CPQ: variants seen among roughly 807,000 people sequenced by gnomAD.
The protein encoded by CPQ is Ser-Met dipeptidase.
CPQ carries 37 observed loss-of-function variants against 45.7 expected under a neutral mutation model. That is an observed-to-expected ratio of 0.81 (90% confidence interval 0.62 to 1.07). CPQ has a LOEUF of 1.07. CPQ is among the 50% of genes least tolerant of loss of function. The probability of loss-of-function intolerance (pLI) is 0.00; values close to 1 mark genes in which losing one functional copy is unlikely to be tolerated. For missense variants in CPQ, 537 were observed against 572.9 expected, an observed-to-expected ratio of 0.94 and a Z score of 0.64; for synonymous variants, 186 against 205.8, an observed-to-expected ratio of 0.90 and a Z score of 0.82.
chr8:96,686,546 A>G (rs1809230313), intron 1 of CPQ, among the ~76,000 whole-genome samples: 1 of 151,958 alleles, frequency 6.6e-6, no homozygotes, highest in South Asian at 2.1e-4. Context: ...GTGCATAAAC[A>G]CCACTTAGTA....
Position 97,114,559 on chromosome 8 carries a change from C to A in CPQ, c.1256-28461C>A, listed in dbSNP as rs564790351. ...TGACTACCAGGTAACTATGTTTACC[C>A]TCAGAGATCTGATGTATTTCTTCAT... On this transcript the variant is annotated intron_variant, in intron 7 of 7. Transcript: ENST00000220763. Among the ~76,000 whole-genome samples the A allele has an allele frequency of 2.0e-4, 30 of 152,256 alleles. 1 individual carries two copies. The South Asian group carries it at 6.2e-3, about 32-fold the overall frequency.
intron 7 of CPQ, among the ~76,000 whole-genome samples, chr8:97,140,627 C>T (rs950172213): frequency 7.2e-5 from 11 of 152,044 alleles, no homozygotes; most frequent in South Asian, 4.1e-4. Context: ...AAAAGATGTT[C>T]GGTTCCCCCC....
intron 4 of CPQ, among the ~76,000 whole-genome samples, chr8:96,923,847 T>G (rs778004489): frequency 2.0e-5 from 3 of 152,170 alleles, no homozygotes; most frequent in Non-Finnish European, 4.4e-5. Flanking sequence ...CATTAAGATG[T>G]GAGAAACTGC....
chr8:96,860,819 G>T (rs919340431), intron 3 of CPQ, among the ~76,000 whole-genome samples: 51 of 152,104 alleles, frequency 3.4e-4, no homozygotes, highest in Non-Finnish European at 5.6e-4. Flanking sequence ...CTTTTCAATG[G>T]CTTACCTTTA....
At chr8:96,982,423 C>T (rs1003738097) in intron 5 of CPQ, among the ~76,000 whole-genome samples, 2 of 152,140 alleles carry the variant, frequency 1.3e-5, no homozygotes, top group African/African-American at 4.8e-5. Flanking sequence ...ACTGCTGCCT[C>T]AAATTCCCTG....
In CPQ at chr8:96,984,837, T is replaced by C. The variant is rs943760297; in HGVS notation, c.961+18791T>C. 2.6e-5 allele frequency among the ~76,000 whole-genome samples: 4 copies of C among 152,348 alleles called. 1 individual carries two copies. In the South Asian group the frequency reaches 8.3e-4, roughly 32 times the overall value. ...GCTTCATCAGTTCCTGGCACATAACTGCTCAGTGAATTTCAGCTGTTATGA... is the reference window on the plus strand; with the variant it reads ...GCTTCATCAGTTCCTGGCACATAACCGCTCAGTGAATTTCAGCTGTTATGA... On this transcript the variant is annotated intron_variant, in intron 5 of 7. Transcript: ENST00000220763.
intron 2 of CPQ, among the ~76,000 whole-genome samples, chr8:96,789,038 A>G (rs867123817): frequency 7.2e-5 from 11 of 152,182 alleles, no homozygotes; most frequent in Middle Eastern, 6.8e-3. Flanking sequence ...AGATGTTGTC[A>G]TCATATCTGC....
At chr8:96,702,186 G>A (rs1173002623) in intron 1 of CPQ, among the ~76,000 whole-genome samples, 2 of 152,182 alleles carry the variant, frequency 1.3e-5, no homozygotes, top group Admixed American at 6.5e-5. Flanking sequence ...GCCAGTTGGA[G>A]TACAGCAGGG....
intron 5 of CPQ, among the ~76,000 whole-genome samples, chr8:97,010,150 G>C (rs1401921514): frequency 2.0e-5 from 3 of 152,180 alleles, no homozygotes; most frequent in South Asian, 4.1e-4. Flanking sequence ...AGTTATATTA[G>C]AAAGCAATTC....
intron 7 of CPQ, among the ~76,000 whole-genome samples, chr8:97,118,845 A>G (rs923654457): frequency 6.6e-6 from 1 of 152,180 alleles, no homozygotes; most frequent in African/African-American, 2.4e-5. Flanking sequence ...AAACATGTAC[A>G]TATATAGCAT....
At chr8:96,925,435 G>A (rs572330682) in intron 4 of CPQ, among the ~76,000 whole-genome samples, 132 of 151,468 alleles carry the variant, frequency 8.7e-4, no homozygotes, top group South Asian at 4.2e-3. Context: ...CCAGGCTGGA[G>A]TGCATTGGTG....
chr8:96,711,359 T>C (rs943742913), intron 1 of CPQ, among the ~76,000 whole-genome samples: 1 of 152,182 alleles, frequency 6.6e-6, no homozygotes, highest in African/African-American at 2.4e-5. Context: ...TACTGTTCAG[T>C]CATCATGTTG....
At chr8:97,142,597 A>G (rs1563593319) in intron 7 of CPQ, among the ~76,000 whole-genome samples, 1 of 152,230 alleles carries the variant, frequency 6.6e-6, no homozygotes, top group East Asian at 1.9e-4. Context: ...TACAAATAAA[A>G]GTTTATTTTC....
At chr8:96,915,257 C>T (rs1009207768) in intron 4 of CPQ, among the ~76,000 whole-genome samples, 1 of 152,098 alleles carries the variant, frequency 6.6e-6, no homozygotes, top group East Asian at 1.9e-4. Context: ...TCTCCTGTGT[C>T]CAAAGCTCCT....
At chr8:96,903,765 T>C (rs866678034) in intron 4 of CPQ, among the ~76,000 whole-genome samples, 31 of 152,292 alleles carry the variant, frequency 2.0e-4, no homozygotes, top group African/African-American at 7.0e-4. Flanking sequence ...AAAATGGATT[T>C]GTTCTGCTGT....
At chr8:96,722,688 T>C (rs1210251934) in intron 1 of CPQ, among the ~76,000 whole-genome samples, 1 of 152,190 alleles carries the variant, frequency 6.6e-6, no homozygotes, top group African/African-American at 2.4e-5. Context: ...CTTAGTGGCT[T>C]AACACAACAC....
chr8:96,829,177 A>AGG (rs1811414506), intron 2 of CPQ, among the ~76,000 whole-genome samples: 1 of 152,088 alleles, frequency 6.6e-6, no homozygotes, highest in Admixed American at 6.6e-5. Context: ...TCAGCACACC[A>AGG]CCAAACAGGG....
At chr8:96,646,589 A>G (rs1455252530) in intron 1 of CPQ, among the ~76,000 whole-genome samples, 4 of 152,250 alleles carry the variant, frequency 2.6e-5, no homozygotes, top group Admixed American at 1.3e-4. Context: ...CATAGCTTTA[A>G]TACAGTTGGT....
At chr8:96,915,933 G>A (rs1418165684) in intron 4 of CPQ, among the ~76,000 whole-genome samples, 1 of 152,150 alleles carries the variant, frequency 6.6e-6, no homozygotes, top group Non-Finnish European at 1.5e-5. Flanking sequence ...CTGCCTGGAG[G>A]TGATCACATG....
Sources: allele counts gnomAD v4.1 joint callset (sites outside exome capture counted in the v4.1 genomes callset), GRCh38; gene constraint gnomAD v4.1.1; transcripts MANE v1.5; gene names NCBI Gene and HGNC (gene_info 2026-07-23, HGNC 2026-07-21).